Variants in CDK5RAP2 observed in about 807,000 individuals in gnomAD.
The protein encoded by CDK5RAP2 is CDK5 regulatory subunit-associated protein 2.
Under a neutral mutation model 232.9 loss-of-function variants are expected in CDK5RAP2, and 147 were observed. The ratio of observed to expected loss-of-function variants is 0.63; its 90% CI spans 0.55 to 0.72. The LOEUF is 0.72. Ranked by LOEUF, CDK5RAP2 falls within the 30% of genes least tolerant of loss-of-function variation. The pLI is 0.00. For synonymous variants in CDK5RAP2, 833 were observed against 833.7 expected, an observed-to-expected ratio of 1.00 and a Z score of 0.01; for missense variants, 2,195 against 2,231.5, an observed-to-expected ratio of 0.98 and a Z score of 0.33.
At chr9:120,558,778 T>A (rs991216606) in intron 3 of CDK5RAP2, among the ~76,000 whole-genome samples, 1 of 152,196 alleles carries the variant, frequency 6.6e-6, no homozygotes, top group Non-Finnish European at 1.5e-5. Flanking sequence ...CCATCTAAAG[T>A]GGGCCCCATC....
At chr9:120,494,998 T>G (rs1329848630) in intron 12 of CDK5RAP2, among the ~76,000 whole-genome samples, 4 of 125,174 alleles carry the variant, frequency 3.2e-5, no homozygotes, top group Non-Finnish European at 4.8e-5. Context: ...GAGGATGGAG[T>G]TCAGCGGGCA....
chr9:120,559,488 CAAAAAAA>C (rs558274119), intron 3 of CDK5RAP2, among the ~76,000 whole-genome samples: 5 of 48,884 alleles, frequency 1.0e-4, no homozygotes, highest in South Asian at 7.7e-4. Flanking sequence ...GACTCTGTCT[CAAAAAAA>C]AAAAAAAAAA....
chr9:120,409,146 T>G lies in CDK5RAP2; in HGVS notation c.4585A>C (p.Ser1529Arg), dbSNP rs1199464590. 1.2e-6 allele frequency: 2 copies of G among 1,612,354 alleles called. No homozygotes were observed. Among genetic ancestry groups the G allele is most frequent in the Non-Finnish European group, 1.7e-6 (2 of 1,179,994 alleles). Reference sequence around the variant, plus strand: ...CACTACCTGCTCAGCTCCTGGCCGCTGCAGCGGACCTCCTGGATCAGCTGC... The same window carrying G: ...CACTACCTGCTCAGCTCCTGGCCGCGGCAGCGGACCTCCTGGATCAGCTGC... ...NQQLIQEVRCSGQELSRVQEE... is the reference protein window; with the variant it reads ...NQQLIQEVRCRGQELSRVQEE... Residue 1529 changes from serine to arginine, a missense_variant, in exon 30 of 38, where the codon AGC becomes CGC. Ser to Arg is a moderately radical substitution (Grantham distance 110). Transcript: ENST00000349780.
rs981272662 is a variant in CDK5RAP2, at chr9:120,458,437, G to A, written c.2375+13C>T. ...ACTAGAGAAACAAAGGAATGCCTGGGCCCCATGTATACCTGGATTCCAGTA... is the reference window on the plus strand; with the variant it reads ...ACTAGAGAAACAAAGGAATGCCTGGACCCCATGTATACCTGGATTCCAGTA... On this transcript the variant is annotated intron_variant, in intron 20 of 37. Coordinates refer to ENST00000349780, the MANE Select transcript of CDK5RAP2 (RefSeq NM_018249.6). 1 of 1,613,388 alleles carries A rather than the reference G, an allele frequency of 6.2e-7. No homozygotes were observed. The highest frequency in any genetic ancestry group is 1.3e-5 in the African/African-American group (1 of 74,886).
At chr9:120,550,734 G>T (rs925886488) in intron 4 of CDK5RAP2, 58 bp downstream of exon 4, 2 of 962,236 alleles carry the variant, frequency 2.1e-6, no homozygotes, top group Admixed American at 3.4e-5. Context: ...TCAAATTTCT[G>T]CTTGAAATGA....
chr9:120,534,068 T>C (rs944159725), intron 7 of CDK5RAP2, among the ~76,000 whole-genome samples: 3 of 152,204 alleles, frequency 2.0e-5, no homozygotes, highest in African/African-American at 7.2e-5. Context: ...AAGACCTTTC[T>C]AAATTTAAAT....
intron 12 of CDK5RAP2, among the ~76,000 whole-genome samples, chr9:120,508,183 A>G (rs2039920475): frequency 6.6e-6 from 1 of 152,000 alleles, no homozygotes; most frequent in Non-Finnish European, 1.5e-5. Context: ...TTAAATATAC[A>G]AAGGAAATTT....
rs576236880 is a variant in CDK5RAP2, at chr9:120,566,733, T to C, written c.195+1588A>G. Reference sequence around the variant, plus strand: ...CCGGCCACAGGGCACCCAGGAGAAGTGGACAAACAAGCAGCCTGGCTCCAG... The same window carrying C: ...CCGGCCACAGGGCACCCAGGAGAAGCGGACAAACAAGCAGCCTGGCTCCAG... On this transcript the variant is annotated intron_variant, in intron 3 of 37. Transcript: ENST00000349780. Among the ~76,000 whole-genome samples the C allele has an allele frequency of 6.5e-4, 99 of 152,272 alleles. 2 individuals are homozygous for C. The highest frequency in any genetic ancestry group is 2.3e-3 in the African/African-American group (97 of 41,556).
intron 25 of CDK5RAP2, among the ~76,000 whole-genome samples, chr9:120,424,676 C>A (rs2034776075): frequency 6.6e-6 from 1 of 151,244 alleles, no homozygotes; most frequent in Admixed American, 6.6e-5. Flanking sequence ...AGTAACATGA[C>A]ATTCTGCTTC....
At position 120,527,855 on chromosome 9, in the gene CDK5RAP2, T is replaced by C; in HGVS notation, c.950A>G (p.Asp317Gly). The change falls in exon 10 of 38, where the codon GAT (aspartate) becomes GGT (glycine). Residue 317 changes from aspartate (D) to glycine (G), a missense_variant. Physicochemically the swap from Asp to Gly is moderately conservative, Grantham distance 94 (BLOSUM62 -1). Coordinates refer to ENST00000349780, the MANE Select transcript of CDK5RAP2 (RefSeq NM_018249.6). The part of the protein sequence containing the change: ...ATEKKNSLKR[D>G]KAIQGLTMAL... ...CATGGTTAAACCCTGAATGGCTTTA[T>C]CCCTCTTTAGACTATTTTTCTTCTC... The C allele has an allele frequency of 6.2e-7, 1 of 1,613,682 alleles. No homozygotes were observed. Among genetic ancestry groups the C allele is most frequent in the Non-Finnish European group, 8.5e-7 (1 of 1,179,696 alleles).
At chr9:120,527,699 C>T in intron 10 of CDK5RAP2, 107 bp downstream of exon 10, 1 of 1,282,956 alleles carries the variant, frequency 7.8e-7, no homozygotes, top group Non-Finnish European at 1.1e-6. Flanking sequence ...TCTATACTAC[C>T]TCAGCTCTCT....
In CDK5RAP2 at chr9:120,394,638, T is replaced by C. The variant is rs1347905692; in HGVS notation, c.5452A>G (p.Ile1818Val). 6 of 1,608,822 alleles carry C rather than the reference T, an allele frequency of 3.7e-6. No individual in the cohort carries two copies. The African/African-American group carries it at 8.0e-5, about 22-fold the overall frequency. Residue 1818 changes from isoleucine (I) to valine (V), a missense_variant and splice_region_variant, in exon 36 of 38, where the codon ATT becomes GTT. Transcript: ENST00000349780. ...DGQCPLHCEQIGEMKAEVTKL... is the reference protein window; with the variant it reads ...DGQCPLHCEQVGEMKAEVTKL... The stretch of plus-strand genomic sequence containing the variant: ...GTGACCTCTGCCTTCATTTCTCCAA[T>C]CTAAAGAGAAGAGAAATTAGAAAAA...
At chr9:120,389,885 G>T (rs1407286870) in intron 36 of CDK5RAP2, 98 bp from the exon 37 acceptor site, 1 of 1,070,742 alleles carries the variant, frequency 9.3e-7, no homozygotes, top group Non-Finnish European at 1.4e-6. Flanking sequence ...ACCCCAAAGG[G>T]CTCGGACATG....
intron 18 of CDK5RAP2, among the ~76,000 whole-genome samples, chr9:120,466,811 G>A (rs1294857974): frequency 6.6e-6 from 1 of 152,188 alleles, no homozygotes; most frequent in Non-Finnish European, 1.5e-5. Context: ...GACAGCTTAA[G>A]GCTGACAAAT....
chr9:120,501,332 C>T (rs1013181508), intron 12 of CDK5RAP2, among the ~76,000 whole-genome samples: 21 of 152,218 alleles, frequency 1.4e-4, no homozygotes, highest in Non-Finnish European at 2.6e-4. Flanking sequence ...CCTGACCATC[C>T]ACCTTACTCT....
chr9:120,570,731 C>T lies in CDK5RAP2; in HGVS notation c.127+1243G>A, dbSNP rs529317882. On this transcript the variant is annotated intron_variant, in intron 2 of 37. Coordinates refer to ENST00000349780, the MANE Select transcript of CDK5RAP2 (RefSeq NM_018249.6). ...GCACGTGCCTGTAATCCCAGCTACT[C>T]GGGAGGCTGAGGCAGAAGAATTGCT... 1.6e-3 allele frequency among the ~76,000 whole-genome samples: 240 copies of T among 152,100 alleles called. 1 individual carries two copies. The highest frequency in any genetic ancestry group is 5.5e-3 in the African/African-American group (230 of 41,490).
chr9:120,455,670 G>A (rs1327643788), intron 20 of CDK5RAP2, among the ~76,000 whole-genome samples: 2 of 151,968 alleles, frequency 1.3e-5, no homozygotes, highest in Non-Finnish European at 2.9e-5. Flanking sequence ...TTGAACCCAG[G>A]AGGCTGCAGT....
intron 8 of CDK5RAP2, among the ~76,000 whole-genome samples, chr9:120,529,672 C>T (rs2041061409): frequency 6.6e-6 from 1 of 152,130 alleles, no homozygotes; most frequent in African/African-American, 2.4e-5. Flanking sequence ...CAACTGTATC[C>T]TAAGAAAACC....
At chr9:120,484,096 C>T (rs986944180) in intron 14 of CDK5RAP2, among the ~76,000 whole-genome samples, 2 of 152,208 alleles carry the variant, frequency 1.3e-5, no homozygotes, top group Admixed American at 6.5e-5. Flanking sequence ...AGTCATCTAG[C>T]ATTGATTCTC....
Sources: allele counts gnomAD v4.1 joint callset (sites outside exome capture counted in the v4.1 genomes callset), GRCh38; gene constraint gnomAD v4.1.1; transcripts MANE v1.5; gene names NCBI Gene and HGNC (gene_info 2026-07-23, HGNC 2026-07-21).